KAZN: variants seen among roughly 807,000 people sequenced by gnomAD.
KAZN encodes kazrin.
In KAZN, 40 loss-of-function variants were observed where a neutral mutation model predicts 87.4. The ratio of observed to expected loss-of-function variants is 0.46; its 90% CI spans 0.36 to 0.60. KAZN has a LOEUF of 0.60. Among genes scored for constraint, KAZN ranks in the 20% least tolerant of loss-of-function variants. KAZN has a pLI of 0.00. For missense variants in KAZN, 898 were observed against 1,073.9 expected, an observed-to-expected ratio of 0.84 and a Z score of 2.29; for synonymous variants, 466 against 458.3, an observed-to-expected ratio of 1.02 and a Z score of -0.22.
In KAZN at chr1:14,224,254, A is replaced by G. The variant is rs537869021; in HGVS notation, c.249+43662A>G. 3.3e-5 allele frequency among the ~76,000 whole-genome samples: 5 copies of G among 152,316 alleles called. 1 individual carries two copies. The South Asian group carries it at 1.0e-3, about 32-fold the overall frequency. On this transcript the variant is annotated intron_variant, in intron 2 of 16. Transcript: ENST00000636203. ...AAAGGGGCAGGGTCTAGTCAAGGGC[A>G]AATGAAAGCCTGGAACCAGTGGGAA...
chr1:14,967,159 G>T (rs1272715929), intron 2 of KAZN, among the ~76,000 whole-genome samples: 1 of 152,188 alleles, frequency 6.6e-6, no homozygotes, highest in Non-Finnish European at 1.5e-5. Context: ...GTCACTATGT[G>T]AAGTGTGGTG....
chr1:15,084,345 G>A (rs1306703939), intron 8 of KAZN, among the ~76,000 whole-genome samples: 2 of 152,204 alleles, frequency 1.3e-5, no homozygotes, highest in South Asian at 2.1e-4. Flanking sequence ...AGTGCACACA[G>A]CCAGAGGGAC....
intron 2 of KAZN, among the ~76,000 whole-genome samples, chr1:15,010,669 C>T (rs532907846): frequency 2.0e-5 from 3 of 152,272 alleles, no homozygotes; most frequent in East Asian, 1.9e-4. Context: ...GGATTACAGG[C>T]GTGAGCCACC....
chr1:14,545,493 G>A (rs1392805875), intron 2 of KAZN, among the ~76,000 whole-genome samples: 2 of 152,148 alleles, frequency 1.3e-5, no homozygotes, highest in African/African-American at 4.8e-5. Flanking sequence ...ATCAGTAAAA[G>A]GAGGATAATT....
intron 1 of KAZN, among the ~76,000 whole-genome samples, chr1:13,955,745 A>G (rs1019694688): frequency 6.6e-6 from 1 of 152,218 alleles, no homozygotes; most frequent in African/African-American, 2.4e-5. Flanking sequence ...TCTTAATATA[A>G]CTAACATTTT....
intron 2 of KAZN, among the ~76,000 whole-genome samples, chr1:15,004,840 G>A (rs1223338336): frequency 6.6e-6 from 1 of 152,132 alleles, no homozygotes; most frequent in African/African-American, 2.4e-5. Flanking sequence ...TGTAAAGTGG[G>A]TATAATAATA....
rs1213326954 is a variant in KAZN, at chr1:14,946,376, T to C, written c.227-14308T>C. On this transcript the variant is annotated intron_variant, in intron 1 of 14. Coordinates refer to ENST00000376030, the MANE Select transcript of KAZN (RefSeq NM_201628.3). The stretch of plus-strand genomic sequence containing the variant: ...TTTTTGAGATGGAGTCTCGCTCTGT[T>C]GCCCAGGCTGGAGTGCAGTGGCACA... 1.7e-4 allele frequency among the ~76,000 whole-genome samples: 25 copies of C among 150,360 alleles called. No individual in the cohort carries two copies. The East Asian group carries it at 3.1e-3, about 19-fold the overall frequency.
chr1:15,009,421 G>A (rs1011915325), intron 2 of KAZN, among the ~76,000 whole-genome samples: 1 of 152,176 alleles, frequency 6.6e-6, no homozygotes, highest in African/African-American at 2.4e-5. Context: ...GGGTTGCCTG[G>A]GAACAGGCAG....
chr1:15,033,927 A>AG (rs1335569426), intron 2 of KAZN, among the ~76,000 whole-genome samples: 1 of 152,048 alleles, frequency 6.6e-6, no homozygotes, highest in Non-Finnish European at 1.5e-5. Context: ...TTTAGTAGAG[A>AG]GGGGGTTTCA....
chr1:14,245,459 A>G (rs1034477360), intron 2 of KAZN, among the ~76,000 whole-genome samples: 1 of 152,120 alleles, frequency 6.6e-6, no homozygotes, highest in Non-Finnish European at 1.5e-5. Context: ...ATTCCCTTGC[A>G]TGGATGTACC....
rs192652722 is a variant in KAZN at position 14,138,482 on chromosome 1, G to A, written c.92-41953G>A. Among the ~76,000 whole-genome samples the A allele has an allele frequency of 2.8e-4, 43 of 152,212 alleles. 1 individual carries two copies. The East Asian group carries it at 3.1e-3, about 11-fold the overall frequency. On this transcript the variant is annotated intron_variant, in intron 1 of 16. Coordinates refer to the KAZN transcript ENST00000636203. ...CTCATTGGTCACATGTATCTCCCAC[G>A]CCTGCACCAGAACCAGTCACTGGAA...
At chr1:14,466,802 A>G (rs754431707) in intron 2 of KAZN, among the ~76,000 whole-genome samples, 9 of 151,236 alleles carry the variant, frequency 6.0e-5, no homozygotes, top group South Asian at 2.1e-4. Flanking sequence ...CCCTGTCTCT[A>G]CTAAAAATAC....
intron 1 of KAZN, among the ~76,000 whole-genome samples, chr1:14,777,342 A>C (rs570058771): frequency 5.3e-5 from 8 of 152,286 alleles, no homozygotes; most frequent in Non-Finnish European, 7.3e-5. Flanking sequence ...AAGAAATTGA[A>C]GCTCTGAGAG....
At chr1:14,740,514 C>T (rs529028198) in intron 1 of KAZN, among the ~76,000 whole-genome samples, 1 of 152,248 alleles carries the variant, frequency 6.6e-6, no homozygotes, top group South Asian at 2.1e-4. Context: ...AAGTCTCGCC[C>T]ACCCCAATTC....
intron 1 of KAZN, among the ~76,000 whole-genome samples, chr1:14,056,582 G>C (rs531269791): frequency 2.7e-4 from 41 of 152,320 alleles, no homozygotes; most frequent in African/African-American, 8.7e-4. Context: ...AAGCCACAAA[G>C]TTTGTGGTAC....
chr1:14,837,684 C>T (rs894470573), intron 1 of KAZN, among the ~76,000 whole-genome samples: 4 of 151,588 alleles, frequency 2.6e-5, no homozygotes, highest in African/African-American at 9.7e-5. Flanking sequence ...TCCTGAGTAG[C>T]TGGCAGATAG....
chr1:15,095,361 G>A (rs1488133475), intron 10 of KAZN, among the ~76,000 whole-genome samples: 3 of 152,142 alleles, frequency 2.0e-5, no homozygotes, highest in Admixed American at 6.5e-5. Context: ...TCAAGTAGGC[G>A]TGAGTGGGCT....
chr1:14,149,540 C>G (rs1027489359), intron 1 of KAZN, among the ~76,000 whole-genome samples: 8 of 152,120 alleles, frequency 5.3e-5, no homozygotes, highest in African/African-American at 1.9e-4. Flanking sequence ...CCTCCCATCT[C>G]GTTTGGCCAC....
chr1:14,794,250 C>T (rs565031292), intron 1 of KAZN, among the ~76,000 whole-genome samples: 2 of 152,264 alleles, frequency 1.3e-5, no homozygotes, highest in South Asian at 4.2e-4. Context: ...CATCTAAACC[C>T]GACAGAGTTA....
Sources: gnomAD v4.1 joint callset for allele counts (sites outside exome capture counted in the v4.1 genomes callset) on GRCh38, gnomAD v4.1.1 for gene constraint, MANE v1.5 for transcripts, NCBI Gene and HGNC (gene_info 2026-07-23, HGNC 2026-07-21) for gene names.